Variants in MLLT10 observed in about 807,000 individuals in gnomAD.
MLLT10 encodes protein AF-10.
In MLLT10, 30 loss-of-function variants were observed where a neutral mutation model predicts 129.1. That is an observed-to-expected ratio of 0.23 (90% CI 0.17 to 0.32). MLLT10 has a LOEUF of 0.32. MLLT10 is among the 10% of genes least tolerant of loss of function. MLLT10 has a pLI of 1.00. For missense variants in MLLT10, 1,119 were observed against 1,268.3 expected (o/e 0.88, Z 1.79); for synonymous variants, 490 against 446.4 (o/e 1.10, Z -1.23).
intron 13 of MLLT10, among the ~76,000 whole-genome samples, chr10:21,688,714 T>G (rs923350045): frequency 6.6e-6 from 1 of 152,150 alleles, no homozygotes; most frequent in African/African-American, 2.4e-5. Context: ...CTATATGTTC[T>G]TATTGTTGTA....
chr10:21,624,776 T>TG (rs2131244282), intron 8 of MLLT10: 2 of 1,112,086 alleles, frequency 1.8e-6, no homozygotes, highest in Non-Finnish European at 2.7e-6. Flanking sequence ...TGCCTTCTCT[T>TG]GCGTCCTACA....
intron 11 of MLLT10, among the ~76,000 whole-genome samples, chr10:21,676,679 C>T (rs989729944): frequency 6.3e-5 from 8 of 126,546 alleles, no homozygotes; most frequent in African/African-American, 2.6e-4. Flanking sequence ...CGAGATCGGG[C>T]CACTGCACTC....
chr10:21,740,737 TGTAA>T (rs982598409), intron 22 of MLLT10, among the ~76,000 whole-genome samples: 1 of 152,250 alleles, frequency 6.6e-6, no homozygotes, highest in Admixed American at 6.5e-5. Context: ...ATTAATTTCA[TGTAA>T]GTGATGGCAT....
At chr10:21,656,569 C>T (rs945744489) in intron 9 of MLLT10, among the ~76,000 whole-genome samples, 1 of 152,126 alleles carries the variant, frequency 6.6e-6, no homozygotes, top group Non-Finnish European at 1.5e-5. Flanking sequence ...TTAGATTATA[C>T]TGCCTTATAT....
intron 16 of MLLT10, among the ~76,000 whole-genome samples, chr10:21,730,579 C>T (rs1196327621): frequency 1.3e-5 from 2 of 152,132 alleles, no homozygotes; most frequent in African/African-American, 2.4e-5. Flanking sequence ...GTCTTTCCCT[C>T]TTTTGTCTTA....
chr10:21,707,689 G>T (rs920382157), intron 13 of MLLT10, among the ~76,000 whole-genome samples: 13 of 152,178 alleles, frequency 8.5e-5, no homozygotes, highest in Non-Finnish European at 1.6e-4. Context: ...TAAAAAGTGA[G>T]TCATACTATT....
chr10:21,651,502 A>G (rs749288770), intron 8 of MLLT10, among the ~76,000 whole-genome samples, 171 bp from the exon 9 acceptor site: 17 of 152,260 alleles, frequency 1.1e-4, no homozygotes, highest in Non-Finnish European at 2.4e-4. Context: ...TTACCTAAAA[A>G]GAAACTCACA....
rs1404385357 is a variant in MLLT10, at chr10:21,538,918, G to C, written c.240+6G>C. 6.2e-7 allele frequency: 1 copy of C among 1,606,422 alleles called. No individual in the cohort carries two copies. Among genetic ancestry groups the C allele is most frequent in the Non-Finnish European group, 8.5e-7 (1 of 1,173,678 alleles). ...AGGAGAGAGCAGCCAGAGTGGTAAG[G>C]ACTATTTATCAAAAACATTAAACTT... On this transcript the variant is annotated splice_donor_region_variant and intron_variant, in intron 3 of 22. Coordinates refer to ENST00000307729, the MANE Select transcript of MLLT10 (RefSeq NM_001195626.3).
chr10:21,635,142 T>G (rs1443816544), intron 8 of MLLT10, among the ~76,000 whole-genome samples: 6 of 152,226 alleles, frequency 3.9e-5, no homozygotes, highest in African/African-American at 9.6e-5. Context: ...GAACTCTTCC[T>G]GGTTTCAGCT....
intron 16 of MLLT10, 61 bp downstream of exon 16, chr10:21,727,989 C>G: frequency 1.4e-6 from 2 of 1,380,404 alleles, no homozygotes; most frequent in Admixed American, 1.8e-5. Context: ...TGGAAACTTT[C>G]TTATCTCATA....
intron 8 of MLLT10, among the ~76,000 whole-genome samples, chr10:21,637,439 G>A (rs563136495): frequency 4.9e-4 from 75 of 152,332 alleles, no homozygotes; most frequent in African/African-American, 1.8e-3. Flanking sequence ...TTGACTGCCA[G>A]AGGAATCTGG....
intron 13 of MLLT10, among the ~76,000 whole-genome samples, chr10:21,701,973 T>C (rs1239983519): frequency 4.0e-5 from 6 of 151,758 alleles, no homozygotes; most frequent in African/African-American, 1.2e-4. Context: ...TATTGCCAGG[T>C]TGTAGTGCAG....
At position 21,593,131 on chromosome 10, in the gene MLLT10, A is replaced by G. The variant is rs77429529; in HGVS notation, c.296-2200A>G. Among the ~76,000 whole-genome samples the G allele has an allele frequency of 2.8e-3, 420 of 147,842 alleles. 9 individuals are homozygous for G. The East Asian group carries it at 0.042, about 15-fold the overall frequency. On this transcript the variant is annotated intron_variant, in intron 4 of 22. Coordinates refer to ENST00000307729, the MANE Select transcript of MLLT10 (RefSeq NM_001195626.3). ...TTTTTTGTCTTGAGATAGGGTCTCT[A>G]TCACCCAGGCTGGATTGCAGTGGCA...
At chr10:21,661,239 C>G (rs1345502684) in intron 9 of MLLT10, among the ~76,000 whole-genome samples, 1 of 152,134 alleles carries the variant, frequency 6.6e-6, no homozygotes, top group African/African-American at 2.4e-5. Flanking sequence ...GGTTAATGTT[C>G]CATGTAAGCT....
rs1833827489 is a variant in MLLT10, at chr10:21,742,670, G to C, written c.*687G>C. On this transcript the variant is annotated 3_prime_UTR_variant, in exon 23 of 23. Transcript: ENST00000307729. ...CCTACTCATATTTTGAAGAAATCTT[G>C]AGTTAAGTGAGTTCTGAGGCTGCTG... 1 of 223,348 alleles carries C rather than the reference G, an allele frequency of 4.5e-6. No homozygotes were observed. Among genetic ancestry groups the C allele is most frequent in the African/African-American group, 2.2e-5 (1 of 44,738 alleles). The allele number at this position is 223,348 out of a possible 1,614,324, so 13.8% of individuals were successfully genotyped here. A position where few individuals can be genotyped will look rare whatever the true frequency, so the allele number is the denominator to read the frequency against.
At chr10:21,538,074 C>T (rs2034387805) in intron 2 of MLLT10, among the ~76,000 whole-genome samples, 1 of 151,536 alleles carries the variant, frequency 6.6e-6, no homozygotes, top group African/African-American at 2.4e-5. Flanking sequence ...GATTATGGCT[C>T]ACTGCAGCCT....
intron 11 of MLLT10, among the ~76,000 whole-genome samples, chr10:21,677,489 TA>T (rs2052300122): frequency 6.6e-6 from 1 of 152,236 alleles, no homozygotes; most frequent in South Asian, 2.1e-4. Flanking sequence ...TATTTTCATA[TA>T]ACCTATGCAC....
rs182763614 is a variant in MLLT10 at position 21,639,882 on chromosome 10, T to G, written c.700-11791T>G. Among the ~76,000 whole-genome samples, 642 of 152,094 alleles carry G rather than the reference T, an allele frequency of 4.2e-3. 4 individuals carry two copies. The highest frequency in any genetic ancestry group is 9.8e-3 in the South Asian group (47 of 4,808). On this transcript the variant is annotated intron_variant, in intron 8 of 22. Coordinates refer to ENST00000307729, the MANE Select transcript of MLLT10 (RefSeq NM_001195626.3). ...AAGTAGGGGAAGTTTAGAGCATATT[T>G]TTAGTTTTCATGGCCTGTCTTGGGG... is the stretch of plus-strand genomic sequence containing the variant.
At chr10:21,718,409 G>C (rs184620554) in intron 14 of MLLT10, among the ~76,000 whole-genome samples, 1 of 152,228 alleles carries the variant, frequency 6.6e-6, no homozygotes, top group African/African-American at 2.4e-5. Flanking sequence ...AAATCCTGCT[G>C]TTTCCTAGTT....
Sources: gnomAD v4.1 joint callset for allele counts (sites outside exome capture counted in the v4.1 genomes callset) on GRCh38, gnomAD v4.1.1 for gene constraint, MANE v1.5 for transcripts, NCBI Gene and HGNC (gene_info 2026-07-23, HGNC 2026-07-21) for gene names.